The following ADD3 variants were observed in gnomAD, a reference collection of about 807,000 sequenced individuals.
The protein encoded by ADD3 is gamma-adducin.
In ADD3, 25 loss-of-function variants were observed where a neutral mutation model predicts 80.2. That is an observed-to-expected ratio of 0.31 (90% confidence interval 0.23 to 0.44). The LOEUF is 0.44. Ranked by LOEUF, ADD3 falls within the 20% of genes least tolerant of loss-of-function variation. The probability of loss-of-function intolerance (pLI) is 1.00; values close to 1 mark genes in which losing one functional copy is unlikely to be tolerated. For synonymous variants in ADD3, 284 were observed against 289.6 expected (o/e 0.98, Z 0.20); for missense variants, 829 against 847.5 (o/e 0.98, Z 0.27).
chr10:110,110,301 G>A (rs1438434068), intron 2 of ADD3, among the ~76,000 whole-genome samples: 1 of 152,098 alleles, frequency 6.6e-6, no homozygotes, highest in Non-Finnish European at 1.5e-5. Flanking sequence ...GGTGTGGGTC[G>A]TGTATCCATG....
At chr10:110,004,445 C>A (rs1385002984), upstream of ADD3, among the ~76,000 whole-genome samples, 1 of 152,046 alleles carries the variant, frequency 6.6e-6, no homozygotes, top group Non-Finnish European at 1.5e-5. Context: ...ATCGCCTGAA[C>A]CTGGCAGGCA....
At chr10:110,095,788 A>G (rs557821773) in intron 1 of ADD3, among the ~76,000 whole-genome samples, 93 of 152,370 alleles carry the variant, frequency 6.1e-4, no homozygotes, top group Non-Finnish European at 9.3e-4. Context: ...GTAAAAAGGA[A>G]CAAATTATTG....
chr10:110,057,859 A>T (rs1248515098), intron 1 of ADD3, among the ~76,000 whole-genome samples: 2 of 152,250 alleles, frequency 1.3e-5, no homozygotes, highest in Non-Finnish European at 2.9e-5. Flanking sequence ...ATAGGAGCTA[A>T]TGATAAGTTA....
rs186362404 is a variant in ADD3, at chr10:109,996,834, T to C, written n.79+388T>C. Among the ~76,000 whole-genome samples, 95 of 152,336 alleles carry C rather than the reference T, an allele frequency of 6.2e-4. No homozygotes were observed. The East Asian group carries it at 0.017, about 27-fold the overall frequency. On this transcript the variant is annotated intron_variant and non_coding_transcript_variant, in intron 1 of 5. Transcript: ENST00000468251. ...TCCTACCTCAGTGGTGTGACTGATG[T>C]CAAGCCATGGAGCTCTTCACTCTCT... is the stretch of plus-strand genomic sequence containing the variant.
intron 1 of ADD3, among the ~76,000 whole-genome samples, chr10:110,089,571 T>C (rs1051783551): frequency 3.9e-5 from 6 of 152,114 alleles, no homozygotes; most frequent in Non-Finnish European, 8.8e-5. Context: ...TTCATTATAT[T>C]TTGTAGAAAG....
chr10:110,082,513 A>G (rs1171200449), intron 1 of ADD3, among the ~76,000 whole-genome samples: 3 of 152,192 alleles, frequency 2.0e-5, no homozygotes, highest in Admixed American at 6.5e-5. Context: ...GTCTTACGAG[A>G]TAGCTTATTC....
chr10:110,031,980 C>T (rs956642225), intron 1 of ADD3, among the ~76,000 whole-genome samples: 3 of 151,878 alleles, frequency 2.0e-5, no homozygotes, highest in African/African-American at 7.3e-5. Flanking sequence ...TATTGGCAGC[C>T]AGTTGAACGG....
chr10:110,012,891 C>T (rs928922453), intron 1 of ADD3, among the ~76,000 whole-genome samples: 9 of 151,996 alleles, frequency 5.9e-5, no homozygotes, highest in African/African-American at 2.2e-4. Flanking sequence ...GAGCCACAGG[C>T]CTGGTTTATA....
intron 1 of ADD3, among the ~76,000 whole-genome samples, chr10:110,035,765 T>TA (rs1406558906): frequency 7.1e-6 from 1 of 141,824 alleles, no homozygotes; most frequent in East Asian, 1.9e-4. Context: ...TACCAGGTGT[T>TA]ACTATTGGTT....
intron 1 of ADD3, among the ~76,000 whole-genome samples, chr10:110,037,942 G>T (rs780188893): frequency 4.6e-5 from 7 of 151,788 alleles, no homozygotes; most frequent in Non-Finnish European, 1.0e-4. Flanking sequence ...GGTGGCACAT[G>T]CCTGTAATCC....
chr10:110,038,533 CTTATTA>C (rs1444303511), intron 1 of ADD3, among the ~76,000 whole-genome samples: 1 of 152,154 alleles, frequency 6.6e-6, no homozygotes, highest in Admixed American at 6.5e-5. Context: ...TACAATCTGT[CTTATTA>C]TTAACTGTTC....
intron 1 of ADD3, among the ~76,000 whole-genome samples, chr10:110,073,015 A>G (rs1844927118): frequency 6.6e-6 from 1 of 152,056 alleles, no homozygotes; most frequent in Admixed American, 6.5e-5. Flanking sequence ...TAGAACCTCC[A>G]TAGTGTGTGT....
rs547445969 is a variant in ADD3, at chr10:110,057,626, T to G, written c.-29-42999T>G. 2.0e-5 allele frequency among the ~76,000 whole-genome samples: 3 copies of G among 152,266 alleles called. No homozygotes were observed. The South Asian group carries it at 6.2e-4, about 32-fold the overall frequency. On this transcript the variant is annotated intron_variant, in intron 1 of 14. Transcript: ENST00000356080. The stretch of plus-strand genomic sequence containing the variant: ...ATTTTTTTAAAGCTCTTCATCTGAT[T>G]CTAATTTGCAGTAAAGTTTGAAAAC...
Position 110,064,539 on chromosome 10 carries a change from T to G in ADD3, c.-29-36086T>G, listed in dbSNP as rs371854556. On this transcript the variant is annotated intron_variant, in intron 1 of 14. Coordinates refer to ENST00000356080, the MANE Select transcript of ADD3 (RefSeq NM_016824.5). The stretch of plus-strand genomic sequence containing the variant: ...CATACTGGGTTTTTGGATGTGCTTT[T>G]GCAAAGTGCTGTTCACGTCTTTTAC... Among the ~76,000 whole-genome samples the G allele has an allele frequency of 5.9e-5, 9 of 152,240 alleles. No individual in the cohort carries two copies. The East Asian group carries it at 7.7e-4, about 13-fold the overall frequency.
At position 110,134,766 on chromosome 10, in the gene ADD3, ATG is replaced by A. The variant is rs1333358859; in HGVS notation, c.*1150_*1151del. 6.6e-6 allele frequency: 1 copy of A among 152,602 alleles called. No individual in the cohort carries two copies. The highest frequency in any genetic ancestry group is 1.5e-5 in the Non-Finnish European group (1 of 68,022). The allele number at this position is 152,602 out of a possible 1,614,324, so 9.5% of individuals were successfully genotyped here. On this transcript the variant is annotated 3_prime_UTR_variant, in exon 15 of 15. Transcript: ENST00000356080. ...AAATTCTGCTTCTCTGCCAAAAGCAATGTCTTTCTTGGTTGATATTTGAGTTT... is the reference window on the plus strand; with the variant it reads ...AAATTCTGCTTCTCTGCCAAAAGCAATCTTTCTTGGTTGATATTTGAGTTT...
chr10:110,037,757 T>G (rs1360198160), intron 1 of ADD3, among the ~76,000 whole-genome samples: 2 of 151,964 alleles, frequency 1.3e-5, no homozygotes, highest in African/African-American at 4.8e-5. Context: ...AAAAACAGCA[T>G]AAACTCATAA....
chr10:110,067,922 C>G (rs1026763143), intron 1 of ADD3, among the ~76,000 whole-genome samples: 35 of 151,950 alleles, frequency 2.3e-4, no homozygotes, highest in African/African-American at 6.8e-4. Flanking sequence ...TATTACTTCT[C>G]TTTGTTTAAT....
chr10:110,115,771 T>C (rs1850654243), intron 3 of ADD3, among the ~76,000 whole-genome samples: 1 of 152,202 alleles, frequency 6.6e-6, no homozygotes, highest in African/African-American at 2.4e-5. Flanking sequence ...ACTTGGCAAT[T>C]AGATCATTAG....
At chr10:110,125,605 A>G (rs1237242993) in intron 10 of ADD3, 2 of 311,168 alleles carry the variant, frequency 6.4e-6, no homozygotes, top group African/African-American at 4.3e-5. Context: ...GTATAATTGA[A>G]TATTTATGTG....
Sources: allele counts gnomAD v4.1 joint callset (sites outside exome capture counted in the v4.1 genomes callset), GRCh38; gene constraint gnomAD v4.1.1; transcripts MANE v1.5; gene names NCBI Gene and HGNC (gene_info 2026-07-23, HGNC 2026-07-21).